Variants in DAP observed in about 807,000 individuals in gnomAD.
DAP encodes death-associated protein 1.
A neutral mutation model predicts 13.8 loss-of-function variants in DAP; 8 were observed. That is an observed-to-expected ratio of 0.58 (90% CI 0.34 to 1.05). DAP has a LOEUF of 1.05. DAP is among the 50% of genes least tolerant of loss of function. The pLI is 0.03. For missense variants in DAP, 106 were observed against 133.2 expected, an observed-to-expected ratio of 0.80 and a Z score of 1.01; for synonymous variants, 47 against 47.5, an observed-to-expected ratio of 0.99 and a Z score of 0.04.
At chr5:10,703,027 G>C (rs138749590) in intron 2 of DAP, among the ~76,000 whole-genome samples, 2 of 152,070 alleles carry the variant, frequency 1.3e-5, no homozygotes, top group African/African-American at 2.4e-5. Flanking sequence ...TTCAACTTTC[G>C]TCTCCTTACC....
intron 2 of DAP, among the ~76,000 whole-genome samples, chr5:10,692,281 C>T (rs558454506): frequency 7.9e-5 from 12 of 152,334 alleles, no homozygotes; most frequent in Admixed American, 4.6e-4. Flanking sequence ...CCCTCATCAT[C>T]GTGGTGCTCT....
chr5:10,714,153 C>A (rs1202962909), intron 2 of DAP, among the ~76,000 whole-genome samples: 1 of 152,194 alleles, frequency 6.6e-6, no homozygotes, highest in African/African-American at 2.4e-5. Context: ...GATTCTTAAT[C>A]TAATGGGCCC....
intron 3 of DAP, among the ~76,000 whole-genome samples, chr5:10,682,570 T>A (rs1397626866): frequency 1.3e-5 from 2 of 149,664 alleles, no homozygotes; most frequent in African/African-American, 4.9e-5. Context: ...GGCAGTTGTA[T>A]GTGAGGAAGC....
At chr5:10,741,300 C>A (rs1189447755) in intron 2 of DAP, among the ~76,000 whole-genome samples, 4 of 152,154 alleles carry the variant, frequency 2.6e-5, no homozygotes, top group Non-Finnish European at 5.9e-5. Flanking sequence ...CTGCAGTAAG[C>A]CAGGATTATG....
intron 1 of DAP, among the ~76,000 whole-genome samples, chr5:10,756,663 TCTA>T (rs1407391869): frequency 1.2e-4 from 18 of 152,214 alleles, no homozygotes; most frequent in Non-Finnish European, 2.5e-4. Context: ...TTATGAGAAC[TCTA>T]CTGACACATG....
chr5:10,705,965 T>C lies in DAP; in HGVS notation c.153-22394A>G, dbSNP rs569559061. Among the ~76,000 whole-genome samples, 7 of 152,272 alleles carry C rather than the reference T, an allele frequency of 4.6e-5. No homozygotes were observed. In the East Asian group the frequency reaches 1.3e-3, roughly 29 times the overall value. On this transcript the variant is annotated intron_variant, in intron 2 of 3. Coordinates refer to ENST00000230895, the MANE Select transcript of DAP (RefSeq NM_004394.3). The stretch of plus-strand genomic sequence containing the variant: ...CCCCAGAAACAAAGCATTTCTCAAA[T>C]ATGCATCATTTTAGGTAGATGAGAA...
intron 2 of DAP, among the ~76,000 whole-genome samples, chr5:10,738,674 G>T (rs1739678730): frequency 6.6e-6 from 1 of 152,254 alleles, no homozygotes; most frequent in African/African-American, 2.4e-5. Flanking sequence ...ATCACTAAAT[G>T]AAGGTATAAT....
intron 2 of DAP, among the ~76,000 whole-genome samples, chr5:10,716,772 C>T (rs1164807194): frequency 2.0e-5 from 3 of 152,106 alleles, no homozygotes; most frequent in Non-Finnish European, 4.4e-5. Context: ...TAATAAACTC[C>T]CCTTTATATG....
chr5:10,714,990 T>C (rs930172564), intron 2 of DAP, among the ~76,000 whole-genome samples: 2 of 152,108 alleles, frequency 1.3e-5, no homozygotes, highest in Admixed American at 1.3e-4. Context: ...AATTACCCAG[T>C]CTCAGGTATT....
At chr5:10,745,767 T>A (rs1476700393) in intron 2 of DAP, among the ~76,000 whole-genome samples, 1 of 152,150 alleles carries the variant, frequency 6.6e-6, no homozygotes, top group Admixed American at 6.5e-5. Context: ...AGAAAAGCAG[T>A]GTTTCATTAA....
At chr5:10,686,962 A>G (rs1738172069) in intron 2 of DAP, among the ~76,000 whole-genome samples, 1 of 152,234 alleles carries the variant, frequency 6.6e-6, no homozygotes, top group Non-Finnish European at 1.5e-5. Context: ...GTAGGGACTA[A>G]TGCAGCTGAT....
chr5:10,757,703 G>GT (rs1324247383), intron 1 of DAP, among the ~76,000 whole-genome samples: 1 of 152,188 alleles, frequency 6.6e-6, no homozygotes, highest in African/African-American at 2.4e-5. Context: ...AACTTCATTA[G>GT]TGTTTCCACC....
rs183561934 is a variant in DAP at position 10,722,799 on chromosome 5, C to G, written c.152+25376G>C. Among the ~76,000 whole-genome samples, 37 of 152,222 alleles carry G rather than the reference C, an allele frequency of 2.4e-4. No individual in the cohort carries two copies. In the East Asian group the frequency reaches 5.8e-3, roughly 24 times the overall value. On this transcript the variant is annotated intron_variant, in intron 2 of 3. Coordinates refer to ENST00000230895, the MANE Select transcript of DAP (RefSeq NM_004394.3). The stretch of plus-strand genomic sequence containing the variant: ...CCCACCAATAGCAACGCCCTTCTCA[C>G]ACCCACCACCCAACGACTGATACTC...
intron 2 of DAP, among the ~76,000 whole-genome samples, chr5:10,735,954 G>A (rs192588281): frequency 1.5e-3 from 229 of 152,314 alleles, no homozygotes; most frequent in Non-Finnish European, 2.7e-3. Flanking sequence ...CTACAAACAG[G>A]GTTGTTGCAG....
At chr5:10,698,686 T>C (rs1054392285) in intron 2 of DAP, among the ~76,000 whole-genome samples, 1 of 152,214 alleles carries the variant, frequency 6.6e-6, no homozygotes, top group Non-Finnish European at 1.5e-5. Context: ...CATTCATTTA[T>C]TCACACACAT....
At chr5:10,689,906 G>C (rs932372189) in intron 2 of DAP, among the ~76,000 whole-genome samples, 2 of 150,756 alleles carry the variant, frequency 1.3e-5, no homozygotes, top group African/African-American at 5.0e-5. Flanking sequence ...GCTTAGGTCA[G>C]AGCAGTCTCT....
intron 2 of DAP, among the ~76,000 whole-genome samples, chr5:10,705,506 G>A (rs1738677511): frequency 6.6e-6 from 1 of 152,232 alleles, no homozygotes; most frequent in African/African-American, 2.4e-5. Context: ...ACAAGGCTGT[G>A]CATTTGGCCC....
intron 2 of DAP, among the ~76,000 whole-genome samples, chr5:10,746,870 C>T (rs973166338): frequency 6.6e-6 from 1 of 152,186 alleles, no homozygotes; most frequent in Non-Finnish European, 1.5e-5. Flanking sequence ...CAAGAACATG[C>T]ACCACTTCCT....
intron 2 of DAP, among the ~76,000 whole-genome samples, chr5:10,745,765 A>G (rs1388493605): frequency 6.6e-6 from 1 of 152,236 alleles, no homozygotes; most frequent in African/African-American, 2.4e-5. Context: ...CAAGAAAAGC[A>G]GTGTTTCATT....
Sources: allele counts gnomAD v4.1 joint callset (sites outside exome capture counted in the v4.1 genomes callset), GRCh38; gene constraint gnomAD v4.1.1; transcripts MANE v1.5; gene names NCBI Gene and HGNC (gene_info 2026-07-23, HGNC 2026-07-21).